The following LTBP2 variants were observed in gnomAD, a reference collection of about 807,000 sequenced individuals.
LTBP2 encodes latent-transforming growth factor beta-binding protein 2.
In LTBP2, 103 loss-of-function variants were observed where a neutral mutation model predicts 210.6. The observed-to-expected ratio is 0.49, with a 90% confidence interval of 0.42 to 0.58. The LOEUF (loss-of-function observed/expected upper bound fraction) is 0.58, where lower values mean the gene tolerates loss of function less well. LTBP2 is among the 20% of genes least tolerant of loss of function. The pLI is 0.00. For synonymous variants in LTBP2, 1,007 were observed against 1,015.0 expected, an observed-to-expected ratio of 0.99 and a Z score of 0.15; for missense variants, 2,313 against 2,494.5, an observed-to-expected ratio of 0.93 and a Z score of 1.55.
At chr14:74,566,070 G>T (rs1053627681) in intron 3 of LTBP2, among the ~76,000 whole-genome samples, 5 of 148,086 alleles carry the variant, frequency 3.4e-5, no homozygotes, top group African/African-American at 1.2e-4. Flanking sequence ...CTATAGCTGG[G>T]TTTTTTTTTT....
At chr14:74,553,473 C>T (rs2139749510) in intron 4 of LTBP2, among the ~76,000 whole-genome samples, 1 of 152,210 alleles carries the variant, frequency 6.6e-6, no homozygotes, top group African/African-American at 2.4e-5. Context: ...GGCTTTGAAC[C>T]CAAGGGCAGG....
chr14:74,537,594 A>G (rs2087438485), intron 8 of LTBP2, among the ~76,000 whole-genome samples: 1 of 152,142 alleles, frequency 6.6e-6, no homozygotes, highest in African/African-American at 2.4e-5. Context: ...CCTTATCCCA[A>G]TTCCTTTTTC....
chr14:74,585,388 A>G (rs1002099401), intron 3 of LTBP2, among the ~76,000 whole-genome samples: 7 of 152,216 alleles, frequency 4.6e-5, no homozygotes, highest in African/African-American at 1.4e-4. Flanking sequence ...TGTGCCAGGC[A>G]CTGTTCTAAG....
chr14:74,534,743 T>C (rs1026125117), intron 9 of LTBP2, among the ~76,000 whole-genome samples: 1 of 151,758 alleles, frequency 6.6e-6, no homozygotes, highest in African/African-American at 2.4e-5. Flanking sequence ...GAGAGAAGGA[T>C]GGAGAGAGAG....
intron 3 of LTBP2, among the ~76,000 whole-genome samples, chr14:74,558,225 C>A (rs991858259): frequency 2.6e-4 from 40 of 152,058 alleles, no homozygotes; most frequent in African/African-American, 8.5e-4. Flanking sequence ...CAGAGAGACA[C>A]CCCATCAAAA....
intron 4 of LTBP2, among the ~76,000 whole-genome samples, chr14:74,554,626 A>G (rs2087706188): frequency 6.6e-6 from 1 of 152,216 alleles, no homozygotes; most frequent in Non-Finnish European, 1.5e-5. Context: ...AGAGACGGGA[A>G]ATAGGTGAGT....
At chr14:74,569,716 C>G (rs1293582259) in intron 3 of LTBP2, among the ~76,000 whole-genome samples, 1 of 152,184 alleles carries the variant, frequency 6.6e-6, no homozygotes, top group Non-Finnish European at 1.5e-5. Context: ...GCTATACTTA[C>G]TAAACACAGG....
chr14:74,579,930 C>T (rs1341428283), intron 3 of LTBP2, among the ~76,000 whole-genome samples: 32 of 152,198 alleles, frequency 2.1e-4, no homozygotes, highest in Admixed American at 2.1e-3. Context: ...CTAATTGACT[C>T]AACCATACTC....
chr14:74,594,514 C>G (rs946430456), intron 2 of LTBP2, among the ~76,000 whole-genome samples: 1 of 152,192 alleles, frequency 6.6e-6, no homozygotes, highest in Non-Finnish European at 1.5e-5. Context: ...CTGAGCCACC[C>G]GATCCCCTCC....
At chr14:74,507,135 G>A (rs2087002135) in intron 26 of LTBP2, 44 bp downstream of exon 26, 1 of 1,613,690 alleles carries the variant, frequency 6.2e-7, no homozygotes, top group South Asian at 1.1e-5. Flanking sequence ...TGAAAAATAG[G>A]TTTTCTCAGC....
rs1166839144 is a variant in LTBP2, at chr14:74,555,503, C to T, written c.1021G>A (p.Gly341Arg). 3 of 1,613,478 alleles carry T rather than the reference C, an allele frequency of 1.9e-6. No individual in the cohort carries two copies. ...AGGACCCAAGACAGGGTATCCTTAC[C>T]CCAGGGGGATGAGGGGTGCTCCAGA... ...VPLEHPSSPWGLNLTEKIKKI... is the reference protein window; with the variant it reads ...VPLEHPSSPWRLNLTEKIKKI... Residue 341 changes from glycine to arginine, a missense_variant and splice_region_variant, in exon 4 of 36, where the codon GGG becomes AGG. By Grantham distance (125) the Gly-to-Arg change is moderately radical. Transcript: ENST00000261978.
At chr14:74,542,921 C>T (rs186760293) in intron 8 of LTBP2, among the ~76,000 whole-genome samples, 212 of 152,156 alleles carry the variant, frequency 1.4e-3, no homozygotes, top group Non-Finnish European at 2.2e-3. Flanking sequence ...CACGCGCTGC[C>T]ACACCCAGCT....
At position 74,551,223 on chromosome 14, in the gene LTBP2, G is replaced by T; in HGVS notation, c.1527C>A (p.Thr509=). 3.1e-6 allele frequency: 5 copies of T among 1,613,328 alleles called. No homozygotes were observed. Among genetic ancestry groups the T allele is most frequent in the Non-Finnish European group, 4.2e-6 (5 of 1,179,902 alleles). The change falls in exon 7 of 36, where the codon ACC becomes ACA. Residue 509 remains threonine (T), a synonymous_variant. Transcript: ENST00000261978. ...EEALVENSVE[T]RPPPWLPASP... is the part of the protein sequence containing the mutation. Reference sequence around the variant, plus strand: ...TGGCAGGCAGCCAGGGCGGGGGTCTGGTCTCCACGCTGTTCTCCACTAGGG... The same window carrying T: ...TGGCAGGCAGCCAGGGCGGGGGTCTTGTCTCCACGCTGTTCTCCACTAGGG...
intron 25 of LTBP2, 66 bp from the exon 26 acceptor site, chr14:74,507,376 G>T: frequency 2.5e-6 from 4 of 1,604,874 alleles, no homozygotes; most frequent in South Asian, 1.1e-5. Context: ...GTCCCACAGG[G>T]TCATGCCCCA....
rs535452973 is a variant in LTBP2 at position 74,510,356 on chromosome 14, A to G, written c.3029-143T>C. 1.1e-5 allele frequency: 14 copies of G among 1,225,118 alleles called. No homozygotes were observed. The South Asian group carries it at 1.8e-4, about 16-fold the overall frequency. The allele number at this position is 1,225,118 out of a possible 1,614,324, so 75.9% of individuals were successfully genotyped here. A position where few individuals can be genotyped will look rare whatever the true frequency, so the allele number is the denominator to read the frequency against. On this transcript the variant is annotated intron_variant, in intron 19 of 35. Coordinates refer to ENST00000261978, the MANE Select transcript of LTBP2 (RefSeq NM_000428.3). Reference sequence around the variant, plus strand: ...GGCCACCTGGGGAGGCCATGAGGCCATGCTCCCTCCTCCCACCTAGGCAGG... The same window carrying G: ...GGCCACCTGGGGAGGCCATGAGGCCGTGCTCCCTCCTCCCACCTAGGCAGG...
intron 9 of LTBP2, among the ~76,000 whole-genome samples, chr14:74,535,354 A>G (rs1212188117): frequency 6.6e-6 from 1 of 152,180 alleles, no homozygotes; most frequent in African/African-American, 2.4e-5. Flanking sequence ...CCAGTTGTCA[A>G]AGCTCCCCAC....
chr14:74,507,139 T>A (rs1385882699), intron 26 of LTBP2, 40 bp downstream of exon 26: 1 of 1,613,820 alleles, frequency 6.2e-7, no homozygotes, highest in Non-Finnish European at 8.5e-7. Flanking sequence ...AAATAGGTTT[T>A]CTCAGCCCTC....
chr14:74,565,735 T>C (rs2087893939), intron 3 of LTBP2, among the ~76,000 whole-genome samples: 1 of 152,086 alleles, frequency 6.6e-6, no homozygotes, highest in Non-Finnish European at 1.5e-5. Context: ...GTGGTAGCTG[T>C]AGAGTTAAGA....
At position 74,532,503 on chromosome 14, in the gene LTBP2, C is replaced by A. The variant is rs1225210040; in HGVS notation, c.1910G>T (p.Cys637Phe). ...LTLGLCKDAE[C>F]VNTRGSYLCT... ...CAGGTAGCTGCCCCTGGTATTCACACACTCCGCGTCCTTGCACAGGCCCAG... is the reference window on the plus strand; with the variant it reads ...CAGGTAGCTGCCCCTGGTATTCACAAACTCCGCGTCCTTGCACAGGCCCAG... Residue 637 changes from cysteine (C) to phenylalanine (F), a missense_variant, in exon 10 of 36, where the codon TGT becomes TTT. Physicochemically the swap from Cys to Phe is radical, Grantham distance 205 (BLOSUM62 -2). Coordinates refer to ENST00000261978, the MANE Select transcript of LTBP2 (RefSeq NM_000428.3). 1.1e-5 allele frequency: 17 copies of A among 1,614,124 alleles called. No homozygotes were observed. Among genetic ancestry groups the A allele is most frequent in the South Asian group, 2.2e-5 (2 of 91,094 alleles).
Sources: gnomAD v4.1 joint callset for allele counts (sites outside exome capture counted in the v4.1 genomes callset) on GRCh38, gnomAD v4.1.1 for gene constraint, MANE v1.5 for transcripts, NCBI Gene and HGNC (gene_info 2026-07-23, HGNC 2026-07-21) for gene names.